TSR2: variants seen among roughly 807,000 people sequenced by gnomAD.
TSR2 encodes pre-rRNA-processing protein TSR2 homolog.
Under a neutral mutation model 13.3 loss-of-function variants are expected in TSR2, and 1 was observed. That is an observed-to-expected ratio of 0.08 (90% confidence interval 0.03 to 0.36). The LOEUF (loss-of-function observed/expected upper bound fraction) is 0.36. Ranked by LOEUF, TSR2 falls within the 10% of genes least tolerant of loss-of-function variation. The probability of loss-of-function intolerance (pLI) is 0.99; values close to 1 mark genes in which losing one functional copy is unlikely to be tolerated. For synonymous variants in TSR2, 60 were observed against 57.7 expected, an observed-to-expected ratio of 1.04 and a Z score of -0.18; for missense variants, 120 against 151.1, an observed-to-expected ratio of 0.79 and a Z score of 1.08.
At chrX:54,440,655 A>G in intron 1 of TSR2, 35 bp from the exon 2 acceptor site, 1 of 1,196,551 alleles carries the variant, frequency 8.4e-7, no homozygotes, top group Non-Finnish European at 1.1e-6. Flanking sequence ...GTCTGCTCCC[A>G]AGCTGACTTG....
chrX:54,444,476 G>C lies in TSR2; in HGVS notation c.502G>C (p.Asp168His). 4 of 1,210,937 alleles carry C rather than the reference G, an allele frequency of 3.3e-6. No individual in the cohort carries two copies. The highest frequency in any genetic ancestry group is 4.5e-6 in the Non-Finnish European group (4 of 894,882). ...DGVCPQPEPS[D>H]PDAQTIKEED... is the part of the protein sequence containing the mutation. The stretch of plus-strand genomic sequence containing the variant: ...GGTCTGCCCCCAGCCTGAACCCTCT[G>C]ATCCAGACGCTCAGACTATTAAGGA... Residue 168 changes from aspartate (D) to histidine (H), a missense_variant, in exon 5 of 5, where the codon GAT becomes CAT. This residue lies in a region of TSR2 where 55 missense variants were observed against 61.3 expected (regional missense o/e 0.90). Coordinates refer to ENST00000375151, the MANE Select transcript of TSR2 (RefSeq NM_058163.3).
intron 4 of TSR2, 107 bp downstream of exon 4, chrX:54,444,291 G>A (rs1363476879): frequency 8.7e-7 from 1 of 1,155,103 alleles, no homozygotes; most frequent in Non-Finnish European, 1.2e-6. Flanking sequence ...GTTGGTGGTA[G>A]TAGTATTATC....
chrX:54,447,404 G>C lies in TSR2; in HGVS notation c.*2854G>C. ...ATCCTTTGCCACCCTTCTCCATGTA[G>C]TGCAGGAAGCTGCAGATGACGCTGT... On this transcript the variant is annotated 3_prime_UTR_variant, in exon 5 of 5. Transcript: ENST00000375151. 1 of 1,211,442 alleles carries C rather than the reference G, an allele frequency of 8.3e-7. No homozygotes were observed. The highest frequency in any genetic ancestry group is 1.1e-6 in the Non-Finnish European group (1 of 895,078).
chrX:54,446,046 G>GC lies in TSR2; in HGVS notation c.*1501dup. The GC allele has an allele frequency of 1.1e-6, 1 of 932,836 alleles. No individual in the cohort carries two copies. The allele number at this position is 932,836 out of a possible 1,213,427, so 76.9% of individuals were successfully genotyped here. A position where few individuals can be genotyped will look rare whatever the true frequency, so the allele number is the denominator to read the frequency against. ...CTGAGCTGGGAGGGAAGGGGCTAGA[G>GC]CCCCCAATCAGACATGGGCAACTAG... On this transcript the variant is annotated 3_prime_UTR_variant, in exon 5 of 5. Transcript: ENST00000375151.
Position 54,446,053 on chromosome X carries a change from A to G in TSR2, c.*1503A>G, listed in dbSNP as rs1922151384. 7.0e-6 allele frequency: 7 copies of G among 999,159 alleles called. No homozygotes were observed. Among genetic ancestry groups the G allele is most frequent in the Admixed American group, 2.8e-5 (1 of 35,524 alleles). 82.3% of individuals were successfully genotyped at this position (999,159 alleles called of 1,213,427 possible). A position where few individuals can be genotyped will look rare whatever the true frequency, so the allele number is the denominator to read the frequency against. On this transcript the variant is annotated 3_prime_UTR_variant, in exon 5 of 5. Coordinates refer to ENST00000375151, the MANE Select transcript of TSR2 (RefSeq NM_058163.3). ...GGGAGGGAAGGGGCTAGAGCCCCCA[A>G]TCAGACATGGGCAACTAGAGTGTGG...
chrX:54,441,601 G>GA (rs1322732769), intron 2 of TSR2, among the ~76,000 whole-genome samples: 2 of 110,782 alleles, frequency 1.8e-5, no homozygotes, highest in East Asian at 5.9e-4. Flanking sequence ...GAATTGGGCT[G>GA]GGTCTTAGTG....
At position 54,446,266 on chromosome X, in the gene TSR2, C is replaced by T. The variant is rs771786145; in HGVS notation, c.*1716C>T. The T allele has an allele frequency of 6.5e-4, 793 of 1,210,818 alleles. 5 individuals are homozygous for T. The South Asian group carries it at 0.013, about 20-fold the overall frequency. ...CCGGCCAAGCACAGCCATCCAGCGT[C>T]GCTGTAGTTCCTCTGTCTCAGGGCT... On this transcript the variant is annotated 3_prime_UTR_variant, in exon 5 of 5. Coordinates refer to ENST00000375151, the MANE Select transcript of TSR2 (RefSeq NM_058163.3).
Position 54,444,112 on chromosome X carries a change from A to G in TSR2, c.369A>G (p.Thr123=), listed in dbSNP as rs1922033057. ...SCITQRKCKV[T]ATALKTARET... ...TCACTCAGAGAAAATGCAAGGTCAC[A>G]GCCACTGCACTTAAGACAGCTAGAG... is the stretch of plus-strand genomic sequence containing the variant. The change falls in exon 4 of 5, where the codon ACA becomes ACG. Residue 123 remains threonine, a synonymous_variant. Transcript: ENST00000375151. 1 of 1,212,031 alleles carries G rather than the reference A, an allele frequency of 8.3e-7. No individual in the cohort carries two copies. The highest frequency in any genetic ancestry group is 1.1e-6 in the Non-Finnish European group (1 of 895,554).
chrX:54,441,112 T>C (rs1001196025), intron 2 of TSR2, among the ~76,000 whole-genome samples: 1 of 112,622 alleles, frequency 8.9e-6, no homozygotes. Context: ...GTAGCCACTT[T>C]AATAAAGCAA....
intron 2 of TSR2, among the ~76,000 whole-genome samples, chrX:54,442,085 A>G (rs1415818992): frequency 8.9e-6 from 1 of 112,251 alleles, no homozygotes; most frequent in African/African-American, 3.2e-5. Flanking sequence ...TCAAAGGCAA[A>G]CTGTGAAACA....
rs1922135134 is a variant in TSR2 at position 54,445,829 on chromosome X, G to A, written c.*1279G>A. 1 of 335,567 alleles carries A rather than the reference G, an allele frequency of 3.0e-6. No individual in the cohort carries two copies. The highest frequency in any genetic ancestry group is 5.1e-6 in the Non-Finnish European group (1 of 195,801). The allele number at this position is 335,567 out of a possible 1,213,427, so 27.7% of individuals were successfully genotyped here. Reference sequence around the variant, plus strand: ...CTGTGGTAGGGTATTGAGGGATGAGGGAGAAAAACGACCTAATTCAGGTAG... The same window carrying A: ...CTGTGGTAGGGTATTGAGGGATGAGAGAGAAAAACGACCTAATTCAGGTAG... On this transcript the variant is annotated 3_prime_UTR_variant, in exon 5 of 5. Transcript: ENST00000375151.
chrX:54,444,685 G>T lies in TSR2; in HGVS notation c.*135G>T. The T allele has an allele frequency of 1.5e-6, 1 of 666,443 alleles. No homozygotes were observed. The highest frequency in any genetic ancestry group is 2.2e-6 in the Non-Finnish European group (1 of 460,452). The allele number at this position is 666,443 out of a possible 1,213,427, so 54.9% of individuals were successfully genotyped here. On this transcript the variant is annotated 3_prime_UTR_variant, in exon 5 of 5. Transcript: ENST00000375151. ...ACCCTCTCCCCTGTTCCTCTGTCTGGCTCCCTCCAGGGCAAGGAAAACCTA... is the reference window on the plus strand; with the variant it reads ...ACCCTCTCCCCTGTTCCTCTGTCTGTCTCCCTCCAGGGCAAGGAAAACCTA...
chrX:54,444,739 C>G lies in TSR2; in HGVS notation c.*189C>G. ...TCCTTGGTCTTGGGGGTGGGGGGAC[C>G]TTTTCCAGCATATTCCCCTGGGCCT... On this transcript the variant is annotated 3_prime_UTR_variant, in exon 5 of 5. Coordinates refer to ENST00000375151, the MANE Select transcript of TSR2 (RefSeq NM_058163.3). 2 of 384,144 alleles carry G rather than the reference C, an allele frequency of 5.2e-6. No individual in the cohort carries two copies. The highest frequency in any genetic ancestry group is 8.9e-6 in the Non-Finnish European group (2 of 223,551). 31.7% of individuals were successfully genotyped at this position (384,144 alleles called of 1,213,427 possible). A position where few individuals can be genotyped will look rare whatever the true frequency, so the allele number is the denominator to read the frequency against.
Position 54,446,027 on chromosome X carries a change from T to C in TSR2, c.*1477T>C. 1.3e-6 allele frequency: 1 copy of C among 748,255 alleles called. No individual in the cohort carries two copies. 61.7% of individuals were successfully genotyped at this position (748,255 alleles called of 1,213,427 possible). ...ATGGGAGTTCAAGTATTGACTGAGC[T>C]GGGAGGGAAGGGGCTAGAGCCCCCA... On this transcript the variant is annotated 3_prime_UTR_variant, in exon 5 of 5. Coordinates refer to ENST00000375151, the MANE Select transcript of TSR2 (RefSeq NM_058163.3).
In TSR2 at chrX:54,447,564, C is replaced by T. The variant is rs556768026; in HGVS notation, c.*3014C>T. ...CTGCTATTCCTATCTCAGATGAAGA[C>T]GCTCAAGCTCAGGTGGCAGGAGTGA... On this transcript the variant is annotated 3_prime_UTR_variant, in exon 5 of 5. Transcript: ENST00000375151. 28 of 831,375 alleles carry T rather than the reference C, an allele frequency of 3.4e-5. No homozygotes were observed. In the South Asian group the frequency reaches 4.0e-4, roughly 12 times the overall value. The allele number at this position is 831,375 out of a possible 1,213,427, so 68.5% of individuals were successfully genotyped here. A position where few individuals can be genotyped will look rare whatever the true frequency, so the allele number is the denominator to read the frequency against.
chrX:54,443,443 G>A lies in TSR2; in HGVS notation c.216G>A (p.Leu72=). 2.5e-6 allele frequency: 3 copies of A among 1,208,232 alleles called. No homozygotes were observed. The highest frequency in any genetic ancestry group is 3.4e-6 in the Non-Finnish European group (3 of 894,176). Residue 72 remains leucine, a synonymous_variant, in exon 3 of 5, where the codon CTG becomes CTA. Transcript: ENST00000375151. ...AGGTGGAAGACTTCCTTGGAGAGCT[G>A]TTGACCAACGAGTTTGATACAGTTG... ...LDEVEDFLGE[L]LTNEFDTVVE...
chrX:54,440,443 G>T lies in TSR2; in HGVS notation c.22G>T (p.Ala8Ser). 1 of 1,128,742 alleles carries T rather than the reference G, an allele frequency of 8.9e-7. No individual in the cohort carries two copies. The highest frequency in any genetic ancestry group is 2.2e-5 in the South Asian group (1 of 44,882). 93.0% of individuals were successfully genotyped at this position (1,128,742 alleles called of 1,213,427 possible). Residue 8 changes from alanine (A) to serine (S), a missense_variant, in exon 1 of 5, where the codon GCG becomes TCG. Around this residue, in one of 3 missense-constraint regions of TSR2, gnomAD observed 53 missense variants for 52.3 expected, o/e 1.01. Coordinates refer to ENST00000375151, the MANE Select transcript of TSR2 (RefSeq NM_058163.3). ...GATAATGGCGGGCGCTGCAGAAGAT[G>T]CGCGAGCTCTTTTCCGGGCTGGGGT... MAGAAED[A>S]RALFRAGVCA...
At position 54,447,347 on chromosome X, in the gene TSR2, A is replaced by G. The variant is rs538442134; in HGVS notation, c.*2797A>G. The G allele has an allele frequency of 8.3e-7, 1 of 1,211,628 alleles. No homozygotes were observed. On this transcript the variant is annotated 3_prime_UTR_variant, in exon 5 of 5. Coordinates refer to ENST00000375151, the MANE Select transcript of TSR2 (RefSeq NM_058163.3). ...CGTAGATATACAGCACCAAGGGTTC[A>G]TTTTCAGGGACCACGAACCATGCCT...
At position 54,444,777 on chromosome X, in the gene TSR2, C is replaced by T. The variant is rs1317034538; in HGVS notation, c.*227C>T. 3.3e-5 allele frequency: 9 copies of T among 271,501 alleles called. No homozygotes were observed. The highest frequency in any genetic ancestry group is 2.8e-4 in the South Asian group (3 of 10,771). The allele number at this position is 271,501 out of a possible 1,213,427, so 22.4% of individuals were successfully genotyped here. A position where few individuals can be genotyped will look rare whatever the true frequency, so the allele number is the denominator to read the frequency against. ...TTCCCCTGGGCCTTTAGTTAACATC[C>T]GAGTGACGAAGCCGGGTTCCCCAGT... On this transcript the variant is annotated 3_prime_UTR_variant, in exon 5 of 5. Transcript: ENST00000375151.
Sources: allele counts gnomAD v4.1 joint callset (sites outside exome capture counted in the v4.1 genomes callset), GRCh38; gene constraint gnomAD v4.1.1; regional missense constraint gnomAD v4.1.1; transcripts MANE v1.5; gene names NCBI Gene and HGNC (gene_info 2026-07-23, HGNC 2026-07-21).